Variants in FBN1 observed in about 807,000 individuals in gnomAD.
FBN1 encodes the protein fibrillin 1, also known as fibrillin-1.
Under a neutral mutation model 365.1 loss-of-function variants are expected in FBN1, and 29 were observed. The ratio of observed to expected loss-of-function variants is 0.08; its 90% CI spans 0.06 to 0.11. FBN1 has a LOEUF of 0.11. Ranked by LOEUF, FBN1 falls within the 10% of genes least tolerant of loss-of-function variation. The pLI is 1.00. For missense variants in FBN1, 2,476 were observed against 3,703.2 expected, an observed-to-expected ratio of 0.67 and a Z score of 8.60; for synonymous variants, 1,210 against 1,270.5, an observed-to-expected ratio of 0.95 and a Z score of 1.01.
chr15:48,502,209 T>C (rs1456342806), intron 17 of FBN1, among the ~76,000 whole-genome samples: 3 of 152,034 alleles, frequency 2.0e-5, no homozygotes, highest in Non-Finnish European at 4.4e-5. Flanking sequence ...TTTGTTTGTT[T>C]GTTCGTTTGT....
intron 6 of FBN1, among the ~76,000 whole-genome samples, chr15:48,550,483 G>A (rs2044133068): frequency 6.6e-6 from 1 of 151,962 alleles, no homozygotes; most frequent in Non-Finnish European, 1.5e-5. Flanking sequence ...CTTCTTTATT[G>A]CCCCTCCTCT....
At chr15:48,445,105 A>ATT (rs1282990841) in intron 48 of FBN1, among the ~76,000 whole-genome samples, 16 of 145,084 alleles carry the variant, frequency 1.1e-4, no homozygotes, top group Middle Eastern at 3.6e-3. Flanking sequence ...GGAAAAAGTG[A>ATT]TTATATATAT....
Position 48,470,572 on chromosome 15 carries a change from C to T in FBN1, c.4459+62G>A, listed in dbSNP as rs1229120228. ...CGGCCCTTGTGTAGTCCCAGGGAGG[C>T]TCCAATAGCTGGGTCCCCCGGGACA... On this transcript the variant is annotated intron_variant, in intron 36 of 65. Transcript: ENST00000316623. 8 of 1,610,788 alleles carry T rather than the reference C, an allele frequency of 5.0e-6. No individual in the cohort carries two copies. In the East Asian group the frequency reaches 8.9e-5, roughly 18 times the overall value.
intron 5 of FBN1, among the ~76,000 whole-genome samples, chr15:48,599,054 C>T (rs1284667147): frequency 1.3e-5 from 2 of 152,172 alleles, no homozygotes; most frequent in African/African-American, 4.8e-5. Context: ...CCTCCCCAGC[C>T]ATGTGGAACT....
intron 29 of FBN1, 36 bp downstream of exon 29, chr15:48,487,039 A>G (rs202168958): frequency 2.1e-5 from 20 of 939,038 alleles, no homozygotes; most frequent in African/African-American, 4.4e-5. Flanking sequence ...ATAAAGTAAA[A>G]TAAAATAAAA....
At chr15:48,609,971 T>C (rs532750945) in intron 4 of FBN1, among the ~76,000 whole-genome samples, 4 of 152,154 alleles carry the variant, frequency 2.6e-5, no homozygotes, top group Admixed American at 2.6e-4. Context: ...TTTGTCAAAA[T>C]AGGACACACA....
intron 6 of FBN1, among the ~76,000 whole-genome samples, chr15:48,574,943 C>T (rs1478411910): frequency 6.6e-6 from 1 of 152,174 alleles, no homozygotes; most frequent in African/African-American, 2.4e-5. Flanking sequence ...CTAAAATCTA[C>T]TAAAATTCTG....
At chr15:48,492,352 GGAGT>G in intron 24 of FBN1, 105 bp downstream of exon 24, 1 of 1,079,030 alleles carries the variant, frequency 9.3e-7, no homozygotes, top group Non-Finnish European at 1.4e-6. Context: ...GCTGAATTTT[GGAGT>G]GTGTGTCTGT....
intron 63 of FBN1, among the ~76,000 whole-genome samples, chr15:48,417,588 C>A (rs758507015): frequency 3.7e-4 from 57 of 152,124 alleles, no homozygotes; most frequent in African/African-American, 1.3e-3. Context: ...CAAAGACCTT[C>A]AAGTCTTCAC....
At chr15:48,465,540 A>C in intron 40 of FBN1, 28 bp downstream of exon 40, 1 of 1,613,714 alleles carries the variant, frequency 6.2e-7, no homozygotes, top group Non-Finnish European at 8.5e-7. Flanking sequence ...TATCTGCAAG[A>C]CCTTATCATC....
At chr15:48,641,328 G>A (rs868714519) in intron 2 of FBN1, 1 of 151,990 alleles carries the variant, frequency 6.6e-6, no homozygotes, top group East Asian at 1.9e-4. Flanking sequence ...ACCTGCAACA[G>A]GGGGGGAGGA....
chr15:48,512,482 C>G (rs1042491825), intron 13 of FBN1, among the ~76,000 whole-genome samples: 1 of 152,184 alleles, frequency 6.6e-6, no homozygotes, highest in African/African-American at 2.4e-5. Flanking sequence ...TCCTCCAACC[C>G]TCCACCCTCC....
At chr15:48,441,126 T>C (rs1161419160) in intron 50 of FBN1, among the ~76,000 whole-genome samples, 1 of 152,204 alleles carries the variant, frequency 6.6e-6, no homozygotes, top group African/African-American at 2.4e-5. Context: ...AAGTTCAGGA[T>C]CCTTTTGATT....
rs565474071 is a variant in FBN1, at chr15:48,425,786, A to G, written c.7283T>C (p.Ile2428Thr). Residue 2428 changes from isoleucine (I) to threonine (T), a missense_variant, in exon 59 of 66, where the codon ATT becomes ACT. This residue lies in a region of FBN1 where 1,780 missense variants were observed against 2,840.8 expected (regional missense o/e 0.63). Coordinates refer to ENST00000316623, the MANE Select transcript of FBN1 (RefSeq NM_000138.5). ...ATCTGGAGTGTACCCAGTTTTACAA[A>G]TGCAATGATATGATCCTCTGTCATT... ...CVNDRGSYHCICKTGYTPDIT... is the reference protein window; with the variant it reads ...CVNDRGSYHCTCKTGYTPDIT... 7 of 1,613,034 alleles carry G rather than the reference A, an allele frequency of 4.3e-6. No individual in the cohort carries two copies. The South Asian group carries it at 6.6e-5, about 15-fold the overall frequency.
intron 6 of FBN1, among the ~76,000 whole-genome samples, chr15:48,559,673 G>A (rs2044209238): frequency 6.6e-6 from 1 of 152,130 alleles, no homozygotes; most frequent in Admixed American, 6.6e-5. Flanking sequence ...ACTGCCAAGA[G>A]GTTTCTACAG....
rs1188119476 is a variant in FBN1, at chr15:48,516,130, AT to A, written c.1327+52del. ...AGTAGCATAAATAAATAATAAAAAAATGTTAACTTGAACAATGCAAGAAAAA... is the reference window on the plus strand; with the variant it reads ...AGTAGCATAAATAAATAATAAAAAAAGTTAACTTGAACAATGCAAGAAAAA... On this transcript the variant is annotated intron_variant, in intron 11 of 65. Transcript: ENST00000316623. 8 of 1,498,124 alleles carry A rather than the reference AT, an allele frequency of 5.3e-6. No homozygotes were observed. In the African/African-American group the frequency reaches 9.7e-5, roughly 18 times the overall value. The allele number at this position is 1,498,124 out of a possible 1,614,324, so 92.8% of individuals were successfully genotyped here. A position where few individuals can be genotyped will look rare whatever the true frequency, so the allele number is the denominator to read the frequency against.
At chr15:48,489,287 A>C (rs867910389) in intron 25 of FBN1, among the ~76,000 whole-genome samples, 56 of 146,572 alleles carry the variant, frequency 3.8e-4, no homozygotes, top group African/African-American at 1.4e-3. Context: ...GGACTCAAGT[A>C]ATCTGCCCAC....
intron 49 of FBN1, among the ~76,000 whole-genome samples, chr15:48,444,098 G>C (rs79395178): frequency 0.022 from 3,325 of 152,240 alleles, 69 homozygotes; most frequent in East Asian, 0.083. Flanking sequence ...TTTGAAATAA[G>C]ACATTTCCAC....
intron 64 of FBN1, among the ~76,000 whole-genome samples, chr15:48,414,371 G>GGT (rs1203177166): frequency 6.6e-6 from 1 of 152,126 alleles, no homozygotes. Flanking sequence ...TTAATAATTT[G>GGT]GTATAAGTGT....
Sources: allele counts gnomAD v4.1 joint callset (sites outside exome capture counted in the v4.1 genomes callset), GRCh38; gene constraint gnomAD v4.1.1; regional missense constraint gnomAD v4.1.1; transcripts MANE v1.5; gene names NCBI Gene and HGNC (gene_info 2026-07-23, HGNC 2026-07-21).